PIGO: variants seen among roughly 807,000 people sequenced by gnomAD.
PIGO encodes the protein phosphatidylinositol glycan anchor biosynthesis class O.
In PIGO, 66 loss-of-function variants were observed where a neutral mutation model predicts 86.9. The observed-to-expected ratio is 0.76, with a 90% CI of 0.62 to 0.93. The LOEUF (loss-of-function observed/expected upper bound fraction) is 0.93. Ranked by LOEUF, PIGO falls within the 40% of genes least tolerant of loss-of-function variation. The pLI, the probability that PIGO is intolerant of heterozygous loss-of-function variation, is 0.00. For synonymous variants in PIGO, 570 were observed against 556.4 expected, an observed-to-expected ratio of 1.02 and a Z score of -0.34; for missense variants, 1,202 against 1,359.1, an observed-to-expected ratio of 0.88 and a Z score of 1.82.
chr9:35,094,064 C>CA (rs753085789), intron 3 of PIGO, 40 bp from the exon 4 acceptor site: 12 of 1,600,212 alleles, frequency 7.5e-6, no homozygotes, highest in Non-Finnish European at 7.7e-6. Flanking sequence ...GACTAAGACC[C>CA]ACTCCTCAAC....
chr9:35,096,025 A>T (rs1829657643), intron 1 of PIGO, 130 bp downstream of exon 1: 1 of 159,810 alleles, frequency 6.3e-6, no homozygotes, highest in South Asian at 1.7e-4. Flanking sequence ...CCCCAGATCT[A>T]CTGAATCAGG....
Position 35,088,982 on chromosome 9 carries a change from A to C in PIGO, c.*110T>G. The stretch of plus-strand genomic sequence containing the variant: ...TGTCAGCGGCCCCTGGCTGCATGAT[A>C]GTAAGAGTATGGCTGAGCCTGTCTT... On this transcript the variant is annotated 3_prime_UTR_variant, in exon 11 of 11. Coordinates refer to ENST00000378617, the MANE Select transcript of PIGO (RefSeq NM_032634.4). The C allele has an allele frequency of 6.9e-7, 1 of 1,452,256 alleles. No individual in the cohort carries two copies. The allele number at this position is 1,452,256 out of a possible 1,614,324, so 90.0% of individuals were successfully genotyped here.
At position 35,091,923 on chromosome 9, in the gene PIGO, C is replaced by T. The variant is rs1829441675; in HGVS notation, c.1964G>A (p.Ser655Asn). The T allele has an allele frequency of 1.2e-6, 2 of 1,614,210 alleles. No individual in the cohort carries two copies. The highest frequency in any genetic ancestry group is 8.5e-7 in the Non-Finnish European group (1 of 1,180,046). The change falls in exon 7 of 11, where the codon AGT becomes AAT. Residue 655 changes from serine to asparagine, a missense_variant. Coordinates refer to ENST00000378617, the MANE Select transcript of PIGO (RefSeq NM_032634.4). ...ACCACCCACCATGGATGCCAGAGGACTCAGCCAGGGAGAGGAGTGGCAAAC... is the reference window on the plus strand; with the variant it reads ...ACCACCCACCATGGATGCCAGAGGATTCAGCCAGGGAGAGGAGTGGCAAAC... ...TPVCHSSPWL[S>N]PLASMVGGRA...
chr9:35,095,313 G>T lies in PIGO; in HGVS notation c.253C>A (p.Pro85Thr), dbSNP rs745754359. 1.2e-4 allele frequency: 192 copies of T among 1,614,088 alleles called. No individual in the cohort carries two copies. Among genetic ancestry groups the T allele is most frequent in the Admixed American group, 9.0e-4 (54 of 60,016 alleles). ...TCTCTAGGCACGTGTGAATGCTGGG[G>T]CTGGGCGAAGTCAAATCGCAGAGCA... ...IDALRFDFAQ[P>T]QHSHVPREPP... The change falls in exon 2 of 11, where the codon CCC becomes ACC. Residue 85 changes from proline to threonine, a missense_variant. Transcript: ENST00000378617.
In PIGO at chr9:35,092,471, T is replaced by A. The variant is rs749630366; in HGVS notation, c.1416A>T (p.Ala472=). The A allele has an allele frequency of 2.5e-5, 40 of 1,614,062 alleles. No individual in the cohort carries two copies. In the Admixed American group the frequency reaches 6.7e-4, roughly 27 times the overall value. Residue 472 remains alanine, a synonymous_variant, in exon 7 of 11, where the codon GCA becomes GCT. Transcript: ENST00000378617. ...CFICLLASQW[A]ISPGFPFCPL... ...GGCAGAATGGAAAGCCTGGGGATAT[T>A]GCCCACTGAGATGCCAGCAGGCAGA... is the stretch of plus-strand genomic sequence containing the variant.
intron 7 of PIGO, 77 bp downstream of exon 7, chr9:35,091,163 C>CAACA (rs749103197): frequency 7.6e-6 from 11 of 1,443,120 alleles, no homozygotes; most frequent in Non-Finnish European, 1.0e-5. Context: ...ACATGAGGAG[C>CAACA]AACACCTCCT....
chr9:35,088,976 CATGATAGTAA>C lies in PIGO; in HGVS notation c.*106_*115del. On this transcript the variant is annotated 3_prime_UTR_variant, in exon 11 of 11. Coordinates refer to ENST00000378617, the MANE Select transcript of PIGO (RefSeq NM_032634.4). ...CCTAGATGTCAGCGGCCCCTGGCTG[CATGATAGTAA>C]GAGTATGGCTGAGCCTGTCTTGCAG... is the stretch of plus-strand genomic sequence containing the variant. 1 of 1,416,750 alleles carries C rather than the reference CATGATAGTAA, an allele frequency of 7.1e-7. No homozygotes were observed. Among genetic ancestry groups the C allele is most frequent in the Non-Finnish European group, 9.6e-7 (1 of 1,041,018 alleles). 87.8% of individuals were successfully genotyped at this position (1,416,750 alleles called of 1,614,324 possible).
rs375351293 is a variant in PIGO at position 35,093,743 on chromosome 9, A to C, written c.779+158T>G. 3.0e-4 allele frequency: 432 copies of C among 1,442,530 alleles called. 7 individuals carry two copies. In the South Asian group the frequency reaches 5.7e-3, roughly 19 times the overall value. The allele number at this position is 1,442,530 out of a possible 1,614,324, so 89.4% of individuals were successfully genotyped here. ...GTCTTCGGCCATGATCCTGATGCCC[A>C]AAGCTACACATTGAGTTAATCAAGA... On this transcript the variant is annotated intron_variant, in intron 4 of 10. Coordinates refer to ENST00000378617, the MANE Select transcript of PIGO (RefSeq NM_032634.4).
At position 35,091,837 on chromosome 9, in the gene PIGO, C is replaced by T. The variant is rs761745437; in HGVS notation, c.2050G>A (p.Val684Met). ...VAALVALLAA[V>M]RLWLRRYGNL... ...CCATAGCGGCGAAGCCACAAGCGCA[C>T]GGCAGCTAACAGGGCCACCAGCGCC... The change falls in exon 7 of 11, where the codon GTG (valine) becomes ATG (methionine). Residue 684 changes from valine to methionine, a missense_variant. Val to Met is a conservative substitution (Grantham distance 21). Transcript: ENST00000378617. The T allele has an allele frequency of 1.9e-5, 31 of 1,613,866 alleles. No homozygotes were observed. Among genetic ancestry groups the T allele is most frequent in the African/African-American group, 2.7e-5 (2 of 74,936 alleles).
chr9:35,089,897 AC>A, intron 9 of PIGO, 168 bp downstream of exon 9: 1 of 1,429,356 alleles, frequency 7.0e-7, no homozygotes. Context: ...GATTAAGGAG[AC>A]CCAGGTTCAA....
chr9:35,091,695 C>T lies in PIGO; in HGVS notation c.2192G>A (p.Arg731His), dbSNP rs946030670. 30 of 1,612,262 alleles carry T rather than the reference C, an allele frequency of 1.9e-5. No homozygotes were observed. The East Asian group carries it at 4.2e-4, about 23-fold the overall frequency. ...LASGADEAPP[R>H]LRVLVSGASM... ...TGCCCCAGAGACCAGGACCCGGAGACGGGGGGGAGCCTCATCTGCCCCCGA... is the reference window on the plus strand; with the variant it reads ...TGCCCCAGAGACCAGGACCCGGAGATGGGGGGGAGCCTCATCTGCCCCCGA... Residue 731 changes from arginine to histidine, a missense_variant, in exon 7 of 11, where the codon CGT becomes CAT. Transcript: ENST00000378617.
chr9:35,092,359 G>A lies in PIGO; in HGVS notation c.1528C>T (p.Leu510=). 1.9e-6 allele frequency: 3 copies of A among 1,614,228 alleles called. No homozygotes were observed. Among genetic ancestry groups the A allele is most frequent in the Non-Finnish European group, 2.5e-6 (3 of 1,180,040 alleles). The part of the protein sequence containing the change: ...LLGTIELKLD[L]VLLGAVAAVS... ...GCAGCCACAGCCCCTAGAAGCACTA[G>A]ATCTAGCTTCAGCTCAATAGTTCCC... The change falls in exon 7 of 11, where the codon CTA becomes TTA. Residue 510 remains leucine, a synonymous_variant. Coordinates refer to ENST00000378617, the MANE Select transcript of PIGO (RefSeq NM_032634.4).
chr9:35,090,215 G>C lies in PIGO; in HGVS notation c.2920C>G (p.Gln974Glu). 1.2e-6 allele frequency: 2 copies of C among 1,614,194 alleles called. No individual in the cohort carries two copies. The highest frequency in any genetic ancestry group is 1.7e-6 in the Non-Finnish European group (2 of 1,180,050). The change falls in exon 9 of 11, where the codon CAG (glutamine) becomes GAG (glutamate). Residue 974 changes from glutamine to glutamate, a missense_variant. Transcript: ENST00000378617. Reference sequence around the variant, plus strand: ...GCATCAGCTTCATTCCCTGGGGGCTGCTGTCTCTTCCGCAGCCCTTGACTC... The same window carrying C: ...GCATCAGCTTCATTCCCTGGGGGCTCCTGTCTCTTCCGCAGCCCTTGACTC... ...CESQGLRKRQ[Q>E]PPGNEADARV...
At chr9:35,089,660 A>C in intron 9 of PIGO, 1 of 1,433,484 alleles carries the variant, frequency 7.0e-7, no homozygotes, top group South Asian at 1.5e-5. Flanking sequence ...TGGGCAAGTC[A>C]GTATCCATCT....
At position 35,091,543 on chromosome 9, in the gene PIGO, G is replaced by C. The variant is rs781337732; in HGVS notation, c.2344C>G (p.Pro782Ala). The change falls in exon 7 of 11, where the codon CCC becomes GCC. Residue 782 changes from proline to alanine, a missense_variant. Physicochemically the swap from Pro to Ala is conservative, Grantham distance 27. Coordinates refer to ENST00000378617, the MANE Select transcript of PIGO (RefSeq NM_032634.4). ...GAPRTRTVLT[P>A]FSGPPTSQAD... is the part of the protein sequence containing the mutation. Reference sequence around the variant, plus strand: ...TGAGAAGTGGGGGGGCCTGAGAAGGGAGTGAGGACAGTCCTGGTCCTTGGA... The same window carrying C: ...TGAGAAGTGGGGGGGCCTGAGAAGGCAGTGAGGACAGTCCTGGTCCTTGGA... The C allele has an allele frequency of 4.3e-6, 7 of 1,614,164 alleles. No homozygotes were observed. The highest frequency in any genetic ancestry group is 5.9e-6 in the Non-Finnish European group (7 of 1,180,038).
Position 35,089,553 on chromosome 9 carries a change from T to C in PIGO, c.3070-103A>G, listed in dbSNP as rs1361914981. 26 of 1,568,306 alleles carry C rather than the reference T, an allele frequency of 1.7e-5. No individual in the cohort carries two copies. The South Asian group carries it at 2.1e-4, about 13-fold the overall frequency. Reference sequence around the variant, plus strand: ...CCTGTAAAAAATGGAAGCAGGAGAATAGTGCATGTCAGTGGAAAAAATATT... The same window carrying C: ...CCTGTAAAAAATGGAAGCAGGAGAACAGTGCATGTCAGTGGAAAAAATATT... On this transcript the variant is annotated intron_variant, in intron 9 of 10. Coordinates refer to ENST00000378617, the MANE Select transcript of PIGO (RefSeq NM_032634.4).
chr9:35,091,334 A>G lies in PIGO; in HGVS notation c.2553T>C (p.His851=), dbSNP rs776946348. ...TLLAFPLLLL[H]AERISLVFLL... ...GGAACACAAGGCTGATGCGCTCCGCATGCAACAGCAGAAGTGGGAAGGCCA... is the reference window on the plus strand; with the variant it reads ...GGAACACAAGGCTGATGCGCTCCGCGTGCAACAGCAGAAGTGGGAAGGCCA... The change falls in exon 7 of 11, where the codon CAT becomes CAC. Residue 851 remains histidine, a synonymous_variant. Coordinates refer to ENST00000378617, the MANE Select transcript of PIGO (RefSeq NM_032634.4). 2.5e-6 allele frequency: 4 copies of G among 1,614,226 alleles called. No homozygotes were observed. Among genetic ancestry groups the G allele is most frequent in the South Asian group, 1.1e-5 (1 of 91,092 alleles).
chr9:35,094,965 A>G (rs892953798), intron 2 of PIGO, 90 bp downstream of exon 2: 3 of 1,485,132 alleles, frequency 2.0e-6, no homozygotes, highest in African/African-American at 2.8e-5. Context: ...TCAAGTGTGC[A>G]TCTGGGCACC....
At chr9:35,096,111 G>A (rs901460248) in intron 1 of PIGO, 44 bp downstream of exon 1, 1 of 152,312 alleles carries the variant, frequency 6.6e-6, no homozygotes, top group Admixed American at 6.5e-5. Context: ...CATGTGAACA[G>A]TCAGGAGGGA....
Sources: allele counts gnomAD v4.1 joint callset, GRCh38; gene constraint gnomAD v4.1.1; transcripts MANE v1.5; gene names NCBI Gene and HGNC (gene_info 2026-07-23, HGNC 2026-07-21).